The following LIAS variants were observed in gnomAD, a reference collection of about 807,000 sequenced individuals.
LIAS encodes the protein lipoic acid synthetase, also known as lipoyl synthase, mitochondrial.
A neutral mutation model predicts 49.4 loss-of-function variants in LIAS; 36 were observed. That is an observed-to-expected ratio of 0.73 (90% CI 0.56 to 0.96). LIAS has a LOEUF of 0.96. Among genes scored for constraint, LIAS ranks in the 40% least tolerant of loss-of-function variants. The pLI is 0.00. For synonymous variants in LIAS, 145 were observed against 155.8 expected, an observed-to-expected ratio of 0.93 and a Z score of 0.52; for missense variants, 399 against 456.3, an observed-to-expected ratio of 0.87 and a Z score of 1.14.
intron 4 of LIAS, chr4:39,464,197 A>C (rs1744667573): frequency 6.6e-6 from 1 of 152,126 alleles, no homozygotes; most frequent in African/African-American, 2.4e-5. Flanking sequence ...TTAGCTGGGC[A>C]TGGTGGCACT....
chr4:39,466,304 T>A (rs921550829), intron 6 of LIAS: 7 of 152,202 alleles, frequency 4.6e-5, no homozygotes, highest in African/African-American at 1.4e-4. Context: ...ACTTAGTAAA[T>A]TTTTTAAATG....
intron 6 of LIAS, 151 bp downstream of exon 6, chr4:39,465,493 T>G: frequency 1.4e-6 from 1 of 727,786 alleles, no homozygotes; most frequent in Non-Finnish European, 2.2e-6. Flanking sequence ...CACATTTCTT[T>G]GGAAAAAGCA....
chr4:39,476,983 A>G, intron 10 of LIAS, 80 bp from the exon 11 acceptor site: 1 of 992,138 alleles, frequency 1.0e-6, no homozygotes, highest in Non-Finnish European at 1.5e-6. Flanking sequence ...GGGGAACACC[A>G]AAAATATAAT....
At chr4:39,475,455 A>G (rs1163221487) in intron 10 of LIAS, 1 of 152,028 alleles carries the variant, frequency 6.6e-6, no homozygotes, top group African/African-American at 2.4e-5. Flanking sequence ...GATGTTTTAA[A>G]TGATTGCTTT....
intron 4 of LIAS, chr4:39,463,932 G>T: frequency 4.5e-6 from 1 of 221,908 alleles, no homozygotes; most frequent in African/African-American, 2.3e-5. Context: ...TCAACAAGAA[G>T]GAGCTGTGCT....
intron 10 of LIAS, among the ~76,000 whole-genome samples, chr4:39,474,502 T>A (rs1440377153): frequency 6.6e-6 from 1 of 152,004 alleles, no homozygotes; most frequent in Non-Finnish European, 1.5e-5. Context: ...TCCCAACTTC[T>A]TGGGAGACCG....
At chr4:39,474,044 C>G (rs1745089596) in intron 10 of LIAS, 1 of 150,380 alleles carries the variant, frequency 6.6e-6, no homozygotes, top group African/African-American at 2.4e-5. Context: ...GCGGGCAAAT[C>G]ACGAGGTCAG....
intron 6 of LIAS, chr4:39,465,966 T>G (rs938349633): frequency 2.0e-5 from 3 of 152,040 alleles, no homozygotes; most frequent in East Asian, 1.9e-4. Flanking sequence ...CCTGTTTTTT[T>G]GGGTTTGTTT....
rs574474235 is a variant in LIAS, at chr4:39,478,891, T to A, written c.*1776T>A. Reference sequence around the variant, plus strand: ...TAGCCAATTCTGTTTTGAATTCTTATAACGAGCCAGTATTATAAAAGTAAT... The same window carrying A: ...TAGCCAATTCTGTTTTGAATTCTTAAAACGAGCCAGTATTATAAAAGTAAT... On this transcript the variant is annotated 3_prime_UTR_variant, in exon 11 of 11. Coordinates refer to ENST00000640888, the MANE Select transcript of LIAS (RefSeq NM_006859.4). 1 of 152,180 alleles carries A rather than the reference T, an allele frequency of 6.6e-6. No homozygotes were observed. The highest frequency in any genetic ancestry group is 2.4e-5 in the African/African-American group (1 of 41,454). The allele number at this position is 152,180 out of a possible 1,614,324, so 9.4% of individuals were successfully genotyped here.
intron 4 of LIAS, chr4:39,463,875 A>G (rs1254259458): frequency 2.3e-6 from 1 of 436,118 alleles, no homozygotes; most frequent in Admixed American, 4.8e-5. Flanking sequence ...GTTTGGAAAC[A>G]TTATTCATGA....
intron 4 of LIAS, chr4:39,463,900 A>G (rs757977345): frequency 1.3e-4 from 44 of 348,476 alleles, no homozygotes; most frequent in Non-Finnish European, 1.9e-4. Flanking sequence ...TTAGCTTTTT[A>G]TGTGTTTTCT....
chr4:39,471,404 GCT>G (rs1744980805), intron 9 of LIAS, 98 bp downstream of exon 9: 2 of 868,610 alleles, frequency 2.3e-6, no homozygotes, highest in South Asian at 3.3e-5. Context: ...CACAATCTCG[GCT>G]CACTGTAATC....
At chr4:39,468,519 A>ATT (rs1213935231) in intron 7 of LIAS, 13 of 142,338 alleles carry the variant, frequency 9.1e-5, no homozygotes, top group African/African-American at 2.4e-4. Flanking sequence ...ATATATATAT[A>ATT]TATTTTTTTA....
At chr4:39,461,054 T>C in intron 2 of LIAS, 92 bp downstream of exon 2, 1 of 1,053,856 alleles carries the variant, frequency 9.5e-7, no homozygotes, top group Non-Finnish European at 1.3e-6. Context: ...GTTTTTAATA[T>C]CAGACTTGTT....
At chr4:39,463,787 C>G in intron 4 of LIAS, 182 bp downstream of exon 4, 3 of 1,192,606 alleles carry the variant, frequency 2.5e-6, no homozygotes, top group South Asian at 2.7e-5. Context: ...TCACCCTTCT[C>G]TGAATAAATC....
rs528498907 is a variant in LIAS, at chr4:39,470,113, A to G, written c.832A>G (p.Ile278Val). Residue 278 changes from isoleucine (I) to valine (V), a missense_variant, in exon 8 of 11, where the codon ATA (isoleucine) becomes GTA (valine). Physicochemically the swap from Ile to Val is conservative, Grantham distance 29 (BLOSUM62 3). Coordinates refer to ENST00000640888, the MANE Select transcript of LIAS (RefSeq NM_006859.4). ...VQPDVISKTS[I>V]MLGLGENDEQ... is the part of the protein sequence containing the mutation. Reference sequence around the variant, plus strand: ...GCCTGATGTTATTTCTAAAACATCTATAATGTTGGGTTTAGGCGAGAATGA... The same window carrying G: ...GCCTGATGTTATTTCTAAAACATCTGTAATGTTGGGTTTAGGCGAGAATGA... 7 of 1,613,798 alleles carry G rather than the reference A, an allele frequency of 4.3e-6. No homozygotes were observed. The highest frequency in any genetic ancestry group is 3.3e-4 in the Middle Eastern group (2 of 6,060).
intron 4 of LIAS, among the ~76,000 whole-genome samples, chr4:39,464,521 G>T (rs376089137): frequency 6.6e-6 from 1 of 151,992 alleles, no homozygotes; most frequent in Non-Finnish European, 1.5e-5. Context: ...TAAGAAATGG[G>T]GGTCTCACTC....
chr4:39,472,089 G>T (rs1262999173), intron 9 of LIAS, among the ~76,000 whole-genome samples: 1 of 150,388 alleles, frequency 6.6e-6, no homozygotes, highest in East Asian at 1.9e-4. Context: ...ATATACGTAT[G>T]TGTGTGTGTA....
At chr4:39,464,266 G>C (rs1435519445) in intron 4 of LIAS, 1 of 151,398 alleles carries the variant, frequency 6.6e-6, no homozygotes, top group Non-Finnish European at 1.5e-5. Flanking sequence ...AGCCCAACAG[G>C]TTGAGGCTGC....
Sources: allele counts gnomAD v4.1 joint callset (sites outside exome capture counted in the v4.1 genomes callset), GRCh38; gene constraint gnomAD v4.1.1; transcripts MANE v1.5; gene names NCBI Gene and HGNC (gene_info 2026-07-23, HGNC 2026-07-21).